Variants in TMEM209 observed in about 807,000 individuals in gnomAD.
TMEM209 encodes transmembrane protein 209.
TMEM209 carries 65 observed loss-of-function variants against 76.2 expected under a neutral mutation model. The observed-to-expected ratio is 0.85, with a 90% CI of 0.70 to 1.05. TMEM209 has a LOEUF of 1.05. Ranked by LOEUF, TMEM209 falls within the 50% of genes least tolerant of loss-of-function variation. The pLI is 0.00. For synonymous variants in TMEM209, 239 were observed against 237.6 expected, an observed-to-expected ratio of 1.01 and a Z score of -0.06; for missense variants, 623 against 685.5, an observed-to-expected ratio of 0.91 and a Z score of 1.02.
Position 130,201,830 on chromosome 7 carries a change from C to G in TMEM209, c.573+20G>C, listed in dbSNP as rs1798212444. 2 of 1,613,460 alleles carry G rather than the reference C, an allele frequency of 1.2e-6. No homozygotes were observed. Among genetic ancestry groups the G allele is most frequent in the Non-Finnish European group, 1.7e-6 (2 of 1,179,722 alleles). On this transcript the variant is annotated intron_variant, in intron 5 of 14. Coordinates refer to ENST00000397622, the MANE Select transcript of TMEM209 (RefSeq NM_032842.4). ...TCAATTCTAAAATAATGTGACTAGA[C>G]AAGAGAAGAGAGTCATTACCTTATT...
chr7:130,173,114 TA>T (rs952102769), intron 13 of TMEM209, among the ~76,000 whole-genome samples: 1 of 150,472 alleles, frequency 6.6e-6, no homozygotes, highest in African/African-American at 2.5e-5. Context: ...TTTTAGCCCA[TA>T]AAAAATATAA....
intron 3 of TMEM209, 136 bp from the exon 4 acceptor site, chr7:130,202,799 T>C (rs1396609304): frequency 1.9e-6 from 2 of 1,076,288 alleles, no homozygotes; most frequent in Non-Finnish European, 2.5e-6. Flanking sequence ...GAATGTTATG[T>C]GTAGGGTGGC....
intron 14 of TMEM209, among the ~76,000 whole-genome samples, chr7:130,168,326 A>C (rs1258114357): frequency 6.6e-6 from 1 of 152,212 alleles, no homozygotes; most frequent in Non-Finnish European, 1.5e-5. Context: ...TGATGCTCAA[A>C]GGAAATGCTC....
At chr7:130,204,845 T>C in intron 1 of TMEM209, 1 of 730,602 alleles carries the variant, frequency 1.4e-6, no homozygotes, top group Non-Finnish European at 1.7e-6. Flanking sequence ...AAGACTGTTG[T>C]ACATCCTCAT....
chr7:130,204,477 G>C (rs1012592154), intron 1 of TMEM209, among the ~76,000 whole-genome samples: 1 of 152,130 alleles, frequency 6.6e-6, no homozygotes, highest in African/African-American at 2.4e-5. Flanking sequence ...GAGTAGCTGG[G>C]ATTACAGACG....
At chr7:130,179,033 C>T (rs1232349865) in intron 9 of TMEM209, among the ~76,000 whole-genome samples, 8 of 152,136 alleles carry the variant, frequency 5.3e-5, no homozygotes, top group African/African-American at 1.9e-4. Flanking sequence ...AGCAATCCAC[C>T]AACGCTGGAC....
At chr7:130,177,356 A>C (rs901599468) in intron 10 of TMEM209, among the ~76,000 whole-genome samples, 7 of 151,980 alleles carry the variant, frequency 4.6e-5, no homozygotes, top group Admixed American at 1.3e-4. Context: ...TCCAAAAAAA[A>C]AAAAAAAAGA....
intron 9 of TMEM209, 79 bp from the exon 10 acceptor site, chr7:130,178,606 G>A: frequency 6.5e-6 from 10 of 1,535,446 alleles, no homozygotes; most frequent in Non-Finnish European, 8.0e-6. Context: ...CTTCTCATGT[G>A]TTCATACAGC....
In TMEM209 at chr7:130,205,376, G is replaced by A. The variant is rs369367037; in HGVS notation, c.-1C>T. 23 of 1,613,930 alleles carry A rather than the reference G, an allele frequency of 1.4e-5. No individual in the cohort carries two copies. Among genetic ancestry groups the A allele is most frequent in the East Asian group, 2.2e-5 (1 of 44,864 alleles). ...AAACACGACCCCGAAAACGCACCAT[G>A]TCCTCTGGCCGGAAAACGCAGGCTC... is the stretch of plus-strand genomic sequence containing the variant. On this transcript the variant is annotated 5_prime_UTR_variant, in exon 1 of 15. Transcript: ENST00000397622.
intron 1 of TMEM209, chr7:130,204,985 C>G (rs765407880): frequency 1.5e-4 from 172 of 1,121,502 alleles, no homozygotes; most frequent in Admixed American, 1.4e-3. Flanking sequence ...GGGTGGTGAG[C>G]GGAGTAAGAG....
At chr7:130,202,779 ATAATT>A (rs564145664) in intron 3 of TMEM209, 116 bp from the exon 4 acceptor site, 616 of 1,188,012 alleles carry the variant, frequency 5.2e-4, no homozygotes, top group Non-Finnish European at 6.4e-4. Flanking sequence ...CATAAAAACT[ATAATT>A]TAATGAATGT....
chr7:130,172,555 A>C (rs1368532517), intron 13 of TMEM209, among the ~76,000 whole-genome samples: 1 of 152,152 alleles, frequency 6.6e-6, no homozygotes, highest in Non-Finnish European at 1.5e-5. Flanking sequence ...TGTGTTAGCC[A>C]GGATGGTCTC....
intron 13 of TMEM209, among the ~76,000 whole-genome samples, chr7:130,173,090 A>G (rs1392396308): frequency 6.6e-6 from 1 of 152,108 alleles, no homozygotes; most frequent in African/African-American, 2.4e-5. Context: ...GCAGATATAA[A>G]ACTACATAAA....
At chr7:130,181,879 C>G in intron 8 of TMEM209, 160 bp from the exon 9 acceptor site, 1 of 562,934 alleles carries the variant, frequency 1.8e-6, no homozygotes, top group Non-Finnish European at 3.1e-6. Flanking sequence ...AAAGTAATAG[C>G]TACCCGAAAT....
At chr7:130,203,757 A>G in intron 3 of TMEM209, 31 bp downstream of exon 3, 1 of 1,561,334 alleles carries the variant, frequency 6.4e-7, no homozygotes, top group Non-Finnish European at 8.7e-7. Context: ...TTATTGGTAA[A>G]TGTAAGTTAC....
At chr7:130,176,955 T>C (rs1457665503) in intron 10 of TMEM209, among the ~76,000 whole-genome samples, 1 of 147,922 alleles carries the variant, frequency 6.8e-6, no homozygotes, top group Non-Finnish European at 1.5e-5. Flanking sequence ...AGTTCAAGAC[T>C]GCAAGGAGCT....
chr7:130,204,237 TA>T (rs1798338657), intron 1 of TMEM209, 127 bp from the exon 2 acceptor site: 2 of 1,084,082 alleles, frequency 1.8e-6, no homozygotes, highest in South Asian at 2.0e-5. Context: ...TAAAATGTTT[TA>T]TCAAAACTTC....
rs1797557219 is a variant in TMEM209 at position 130,185,241 on chromosome 7, C to T, written c.902G>A (p.Cys301Tyr). The T allele has an allele frequency of 2.5e-6, 4 of 1,613,844 alleles. No individual in the cohort carries two copies. The highest frequency in any genetic ancestry group is 2.5e-6 in the Non-Finnish European group (3 of 1,179,870). The change falls in exon 7 of 15, where the codon TGT (cysteine) becomes TAT (tyrosine). Residue 301 changes from cysteine (C) to tyrosine (Y), a missense_variant. Coordinates refer to ENST00000397622, the MANE Select transcript of TMEM209 (RefSeq NM_032842.4). ...GAGATCGGCTTCATCTTTGTTAGCA[C>T]ATGGGGCCTGAGACCTACAGGCAAG... ...YQLACRSQAP[C>Y]ANKDEADLSS... is the part of the protein sequence containing the mutation.
chr7:130,191,463 A>C (rs1797793996), intron 6 of TMEM209, among the ~76,000 whole-genome samples: 1 of 152,148 alleles, frequency 6.6e-6, no homozygotes, highest in African/African-American at 2.4e-5. Context: ...ACAGTGAACA[A>C]ATATAGAGCC....
Sources: gnomAD v4.1 joint callset for allele counts (sites outside exome capture counted in the v4.1 genomes callset) on GRCh38, gnomAD v4.1.1 for gene constraint, MANE v1.5 for transcripts, NCBI Gene and HGNC (gene_info 2026-07-23, HGNC 2026-07-21) for gene names.